Variants in PRKN observed in about 807,000 individuals in gnomAD.
PRKN encodes parkin RBR E3 ubiquitin protein ligase.
Under a neutral mutation model 59.5 loss-of-function variants are expected in PRKN, and 56 were observed. The ratio of observed to expected loss-of-function variants is 0.94; its 90% CI spans 0.76 to 1.18. The LOEUF (loss-of-function observed/expected upper bound fraction) is 1.18. Ranked by LOEUF, PRKN falls within the 50% of genes most tolerant of loss-of-function variation. The probability of loss-of-function intolerance (pLI) is 0.00; values close to 1 mark genes in which losing one functional copy is unlikely to be tolerated. For synonymous variants in PRKN, 250 were observed against 222.1 expected (o/e 1.13, Z -1.12); for missense variants, 657 against 596.4 (o/e 1.10, Z -1.06).
At chr6:162,675,028 TTTTA>T (rs139787389) in intron 1 of PRKN, among the ~76,000 whole-genome samples, 15,187 of 148,390 alleles carry the variant, frequency 0.1, 903 homozygotes, top group Middle Eastern at 0.19. Context: ...GAAGACTTTA[TTTTA>T]TTTATTTATT....
chr6:162,531,718 C>T (rs1778522714), intron 1 of PRKN, among the ~76,000 whole-genome samples: 1 of 152,020 alleles, frequency 6.6e-6, no homozygotes, highest in South Asian at 2.1e-4. Flanking sequence ...ACTCCTAAAC[C>T]GTAATTTCTA....
chr6:162,426,637 G>A (rs1263853318), intron 2 of PRKN, among the ~76,000 whole-genome samples: 2 of 152,050 alleles, frequency 1.3e-5, no homozygotes, highest in Admixed American at 6.5e-5. Context: ...TTGTAGAGAC[G>A]GGTTTCACCA....
intron 5 of PRKN, among the ~76,000 whole-genome samples, chr6:162,049,635 C>A (rs1400235757): frequency 2.0e-5 from 3 of 152,156 alleles, no homozygotes; most frequent in African/African-American, 7.2e-5. Context: ...AATTTAGCTA[C>A]ACTCCAAATA....
chr6:161,947,693 ATTG>A lies in PRKN; in HGVS notation c.734+25606_734+25608del, dbSNP rs1779833496. Reference sequence around the variant, plus strand: ...TTCAGTGAAACAGAGTTGTAGCATAATTGTTGTTTTAAAACGGTATTTTTCACA... The same window carrying A: ...TTCAGTGAAACAGAGTTGTAGCATAATTGTTTTAAAACGGTATTTTTCACA... On this transcript the variant is annotated intron_variant, in intron 6 of 11. Transcript: ENST00000366898. 2.6e-5 allele frequency among the ~76,000 whole-genome samples: 4 copies of A among 152,328 alleles called. No homozygotes were observed. In the South Asian group the frequency reaches 6.2e-4, roughly 24 times the overall value.
rs559534874 is a variant in PRKN at position 161,395,721 on chromosome 6, T to C, written c.1084-8844A>G. On this transcript the variant is annotated intron_variant, in intron 9 of 11. Coordinates refer to ENST00000366898, the MANE Select transcript of PRKN (RefSeq NM_004562.3). The surrounding 1 kb of genome is among the most constrained non-coding windows in gnomAD (Gnocchi z 5.0). ...TTTTGTCACCACAGAGTTGTGTTCC[T>C]AGCCAAAGCAATTACTCTGACCACG... 4.9e-4 allele frequency among the ~76,000 whole-genome samples: 75 copies of C among 152,344 alleles called. 2 individuals carry two copies. The South Asian group carries it at 0.012, about 24-fold the overall frequency.
In PRKN at chr6:162,173,903, T is replaced by C. The variant is rs574579301; in HGVS notation, c.534+27228A>G. Among the ~76,000 whole-genome samples the C allele has an allele frequency of 2.0e-5, 3 of 152,342 alleles. No individual in the cohort carries two copies. The South Asian group carries it at 6.2e-4, about 32-fold the overall frequency. ...GTTCATTGGGTGTCAGCTATTCTCA[T>C]CGTCACGATCAGTCTATGAGATGGA... On this transcript the variant is annotated intron_variant, in intron 4 of 11. Transcript: ENST00000366898.
chr6:162,583,216 G>A (rs1780857335), intron 1 of PRKN, among the ~76,000 whole-genome samples: 1 of 152,194 alleles, frequency 6.6e-6, no homozygotes, highest in Non-Finnish European at 1.5e-5. Context: ...CCAGCCTCCA[G>A]AAGAGTGGGT....
intron 4 of PRKN, among the ~76,000 whole-genome samples, chr6:162,177,405 ACCT>A (rs973488014): frequency 2.0e-5 from 3 of 152,154 alleles, no homozygotes; most frequent in African/African-American, 7.2e-5. Context: ...AGCGGTTTCT[ACCT>A]CACCTTTTTT....
chr6:162,140,655 G>T (rs1384349378), intron 4 of PRKN, among the ~76,000 whole-genome samples: 1 of 152,096 alleles, frequency 6.6e-6, no homozygotes, highest in Non-Finnish European at 1.5e-5. Context: ...ACATCTCAGA[G>T]GGTTGCCAAA....
At chr6:162,715,223 G>C (rs1778678081) in intron 1 of PRKN, among the ~76,000 whole-genome samples, 1 of 152,180 alleles carries the variant, frequency 6.6e-6, no homozygotes, top group Non-Finnish European at 1.5e-5. Flanking sequence ...AAAAGAGACT[G>C]GATTCCTCAA....
At chr6:162,322,903 G>T (rs1783092000) in intron 2 of PRKN, among the ~76,000 whole-genome samples, 1 of 151,898 alleles carries the variant, frequency 6.6e-6, no homozygotes, top group Non-Finnish European at 1.5e-5. Flanking sequence ...AAAAAATGAT[G>T]AGTTCATGTC....
Position 161,348,850 on chromosome 6 carries a change from T to C in PRKN, c.*1249A>G, listed in dbSNP as rs1249050682. On this transcript the variant is annotated 3_prime_UTR_variant, in exon 12 of 12. Coordinates refer to ENST00000366898, the MANE Select transcript of PRKN (RefSeq NM_004562.3). The surrounding 1 kb of genome is among the most constrained non-coding windows in gnomAD (Gnocchi z 4.9). ...GGGTAAGAGCATGCGGTTTGCCGCA[T>C]GCAGTGTTGTTAATCTTTTGATTGT... 1 of 207,518 alleles carries C rather than the reference T, an allele frequency of 4.8e-6. No homozygotes were observed. Among genetic ancestry groups the C allele is most frequent in the Non-Finnish European group, 9.8e-6 (1 of 101,796 alleles). 12.9% of individuals were successfully genotyped at this position (207,518 alleles called of 1,614,324 possible).
chr6:162,217,611 C>T (rs1371329147), intron 3 of PRKN, among the ~76,000 whole-genome samples: 4 of 152,190 alleles, frequency 2.6e-5, no homozygotes, highest in South Asian at 4.1e-4. Context: ...AGGCTGGTTT[C>T]GAACTCCTGA....
chr6:162,372,494 A>G (rs1158108778), intron 2 of PRKN, among the ~76,000 whole-genome samples: 2 of 152,142 alleles, frequency 1.3e-5, no homozygotes, highest in Admixed American at 1.3e-4. Context: ...ATAACTTCCG[A>G]GAGGGTTAAG....
At chr6:161,439,641 T>G (rs1244793832) in intron 9 of PRKN, among the ~76,000 whole-genome samples, 1 of 152,178 alleles carries the variant, frequency 6.6e-6, no homozygotes, top group African/African-American at 2.4e-5. Flanking sequence ...CCATCTACAC[T>G]GAACTAAACC....
At chr6:161,786,112 T>G (rs1214326756) in intron 6 of PRKN, among the ~76,000 whole-genome samples, 2 of 152,202 alleles carry the variant, frequency 1.3e-5, no homozygotes, top group Non-Finnish European at 2.9e-5. Context: ...GAAAACTGAT[T>G]CTCCTAATTT....
At chr6:162,210,646 C>T (rs1785163971) in intron 3 of PRKN, among the ~76,000 whole-genome samples, 1 of 151,912 alleles carries the variant, frequency 6.6e-6, no homozygotes, top group African/African-American at 2.4e-5. Context: ...GAACACAAAC[C>T]CTGATGGAAA....
At chr6:162,193,654 C>G (rs1784382082) in intron 4 of PRKN, among the ~76,000 whole-genome samples, 1 of 152,150 alleles carries the variant, frequency 6.6e-6, no homozygotes, top group Non-Finnish European at 1.5e-5. Flanking sequence ...GTCCTATGGC[C>G]ATTTGTAGGA....
chr6:161,359,397 G>T lies in PRKN; in HGVS notation c.1285+691C>A, dbSNP rs924340668. 6.6e-6 allele frequency among the ~76,000 whole-genome samples: 1 copy of T among 152,262 alleles called. No homozygotes were observed. The highest frequency in any genetic ancestry group is 1.5e-5 in the Non-Finnish European group (1 of 68,046). ...CAAGTCAGCTCTGGGCAACCTGCCAGCCAGGGCGTAGCTGATGCTCATTAA... is the reference window on the plus strand; with the variant it reads ...CAAGTCAGCTCTGGGCAACCTGCCATCCAGGGCGTAGCTGATGCTCATTAA... On this transcript the variant is annotated intron_variant, in intron 11 of 11. Coordinates refer to ENST00000366898, the MANE Select transcript of PRKN (RefSeq NM_004562.3). The surrounding 1 kb of genome is among the most constrained non-coding windows in gnomAD (Gnocchi z 5.4).
Sources: gnomAD v4.1 joint callset for allele counts (sites outside exome capture counted in the v4.1 genomes callset) on GRCh38, gnomAD v4.1.1 for gene constraint, Gnocchi (gnomAD v3.1) non-coding constraint, MANE v1.5 for transcripts, NCBI Gene and HGNC (gene_info 2026-07-23, HGNC 2026-07-21) for gene names.